SLC25A36: variants seen among roughly 807,000 people sequenced by gnomAD.
The protein encoded by SLC25A36 is epididymis secretory sperm binding protein.
SLC25A36 carries 24 observed loss-of-function variants against 35.3 expected under a neutral mutation model. That is an observed-to-expected ratio of 0.68 (90% confidence interval 0.49 to 0.96). The LOEUF is 0.96. Among genes scored for constraint, SLC25A36 ranks in the 40% least tolerant of loss-of-function variants. The probability of loss-of-function intolerance (pLI) is 0.00; values close to 1 mark genes in which losing one functional copy is unlikely to be tolerated. For synonymous variants in SLC25A36, 141 were observed against 132.2 expected, an observed-to-expected ratio of 1.07 and a Z score of -0.46; for missense variants, 294 against 381.1, an observed-to-expected ratio of 0.77 and a Z score of 1.90.
chr3:140,971,501 A>G (rs1055250806), intron 5 of SLC25A36, among the ~76,000 whole-genome samples: 4 of 152,200 alleles, frequency 2.6e-5, no homozygotes, highest in Non-Finnish European at 4.4e-5. Flanking sequence ...CAACAAATCT[A>G]TATTAGCAGA....
intron 1 of SLC25A36, among the ~76,000 whole-genome samples, chr3:140,954,303 TG>T (rs1016530404): frequency 4.5e-4 from 69 of 152,264 alleles, no homozygotes; most frequent in Middle Eastern, 3.2e-3. Flanking sequence ...GATGGACATT[TG>T]GGTTGTTCCC....
intron 1 of SLC25A36, among the ~76,000 whole-genome samples, chr3:140,950,363 C>T (rs1444041704): frequency 6.7e-6 from 1 of 149,970 alleles, no homozygotes; most frequent in Non-Finnish European, 1.5e-5. Flanking sequence ...CTGTGTTCAT[C>T]TGTCAGTCTT....
chr3:140,980,394 A>G lies in SLC25A36; in HGVS notation c.*3941A>G, dbSNP rs1559820727. The stretch of plus-strand genomic sequence containing the variant: ...TTTTATTTAAGTTTTTCTGTATTGT[A>G]GTTAACATCAAACATTGTCCAGTCT... On this transcript the variant is annotated 3_prime_UTR_variant, in exon 7 of 7. Transcript: ENST00000324194. 7.6e-6 allele frequency among the ~76,000 whole-genome samples: 1 copy of G among 132,208 alleles called. No homozygotes were observed. The highest frequency in any genetic ancestry group is 1.6e-5 in the Non-Finnish European group (1 of 62,846). 86.7% of individuals were successfully genotyped at this position (132,208 alleles called of 152,430 possible). A position where few individuals can be genotyped will look rare whatever the true frequency, so the allele number is the denominator to read the frequency against.
At position 140,976,422 on chromosome 3, in the gene SLC25A36, A is replaced by G. The variant is rs1487583449; in HGVS notation, c.905A>G (p.Tyr302Cys). The change falls in exon 7 of 7, where the codon TAT (tyrosine) becomes TGT (cysteine). Residue 302 changes from tyrosine (Y) to cysteine (C), a missense_variant. Transcript: ENST00000324194. ...AACACAGCCATTATGATGGCCACCT[A>G]TGAATTGGTGGTTTACCTACTCAAT... ...IPNTAIMMAT[Y>C]ELVVYLLNG 6.2e-7 allele frequency: 1 copy of G among 1,613,206 alleles called. No individual in the cohort carries two copies. The highest frequency in any genetic ancestry group is 2.2e-5 in the East Asian group (1 of 44,856).
chr3:140,974,751 C>G (rs542322595), intron 6 of SLC25A36, among the ~76,000 whole-genome samples: 211 of 151,976 alleles, frequency 1.4e-3, no homozygotes, highest in Non-Finnish European at 2.4e-3. Flanking sequence ...TTTTTGTTCA[C>G]TTACACTGAT....
intron 2 of SLC25A36, among the ~76,000 whole-genome samples, chr3:140,957,969 A>G (rs1252200673): frequency 6.6e-6 from 1 of 152,076 alleles, no homozygotes; most frequent in East Asian, 1.9e-4. Flanking sequence ...GAAGTTTTTC[A>G]GGCGCTCTTT....
chr3:140,963,113 A>G lies in SLC25A36; in HGVS notation c.285-14A>G. On this transcript the variant is annotated splice_polypyrimidine_tract_variant and intron_variant, in intron 3 of 6. Coordinates refer to ENST00000324194, the MANE Select transcript of SLC25A36 (RefSeq NM_001104647.3). ...AAGAACATGCTTATTGATAAATCTAAATCTCTATTTTAGAGCAATATACTT... is the reference window on the plus strand; with the variant it reads ...AAGAACATGCTTATTGATAAATCTAGATCTCTATTTTAGAGCAATATACTT... The G allele has an allele frequency of 6.7e-7, 1 of 1,492,046 alleles. No individual in the cohort carries two copies. The highest frequency in any genetic ancestry group is 9.0e-7 in the Non-Finnish European group (1 of 1,106,132). 92.4% of individuals were successfully genotyped at this position (1,492,046 alleles called of 1,614,324 possible). A position where few individuals can be genotyped will look rare whatever the true frequency, so the allele number is the denominator to read the frequency against.
chr3:140,976,354 T>C lies in SLC25A36; in HGVS notation c.837T>C (p.Ser279=). 1.2e-6 allele frequency: 2 copies of C among 1,613,946 alleles called. No homozygotes were observed. Among genetic ancestry groups the C allele is most frequent in the Non-Finnish European group, 1.7e-6 (2 of 1,179,918 alleles). ...TTGTTCAAGAAGAAGGTTATGGGTC[T>C]CTTTATCGTGGTCTGACAACTCATC... ...SLLVQEEGYG[S]LYRGLTTHLV... is the part of the protein sequence containing the mutation. The change falls in exon 7 of 7, where the codon TCT becomes TCC. Residue 279 remains serine, a synonymous_variant. Transcript: ENST00000324194.
intron 4 of SLC25A36, chr3:140,967,847 A>G (rs984352214): frequency 3.3e-6 from 1 of 298,864 alleles, no homozygotes; most frequent in African/African-American, 2.3e-5. Flanking sequence ...GAGCAATATT[A>G]GTTCTTCTTA....
intron 1 of SLC25A36, among the ~76,000 whole-genome samples, chr3:140,946,759 G>A (rs1934177636): frequency 6.6e-6 from 1 of 152,104 alleles, no homozygotes; most frequent in Non-Finnish European, 1.5e-5. Flanking sequence ...TGGGGTGAGG[G>A]GAGATCAGAA....
In SLC25A36 at chr3:140,976,680, A is replaced by G. The variant is rs1353694639; in HGVS notation, c.*227A>G. ...AGAGCCTCCAAGGAAATGCCTTTAGAAGCACTCCTCTCTCAAAATTGCCAT... is the reference window on the plus strand; with the variant it reads ...AGAGCCTCCAAGGAAATGCCTTTAGGAGCACTCCTCTCTCAAAATTGCCAT... On this transcript the variant is annotated 3_prime_UTR_variant, in exon 7 of 7. Transcript: ENST00000324194. The G allele has an allele frequency of 8.6e-6, 3 of 349,362 alleles. No individual in the cohort carries two copies. The highest frequency in any genetic ancestry group is 2.1e-5 in the African/African-American group (1 of 47,198). 21.6% of individuals were successfully genotyped at this position (349,362 alleles called of 1,614,324 possible). A position where few individuals can be genotyped will look rare whatever the true frequency, so the allele number is the denominator to read the frequency against.
intron 4 of SLC25A36, chr3:140,967,968 C>G: frequency 4.1e-6 from 4 of 984,562 alleles, no homozygotes; most frequent in Non-Finnish European, 3.6e-6. Flanking sequence ...AATTAAAATG[C>G]AAAATAAAAA....
intron 6 of SLC25A36, among the ~76,000 whole-genome samples, chr3:140,975,880 T>C (rs188868242): frequency 2.0e-5 from 3 of 152,320 alleles, no homozygotes; most frequent in Admixed American, 2.0e-4. Flanking sequence ...TAAACAAATC[T>C]TTTCTGCTTG....
chr3:140,954,116 T>C (rs971682935), intron 1 of SLC25A36, among the ~76,000 whole-genome samples: 4 of 152,240 alleles, frequency 2.6e-5, no homozygotes, highest in Non-Finnish European at 4.4e-5. Flanking sequence ...TTTTCTAGAA[T>C]ATCATAAAAG....
rs574425003 is a variant in SLC25A36 at position 140,967,321 on chromosome 3, T to C, written c.386-3606T>C. ...TATATAGCTGTAAATGGTATTATAC[T>C]ATCTTAAAAGTTTTAGATAAAATCA... On this transcript the variant is annotated intron_variant, in intron 4 of 6. Transcript: ENST00000324194. 2.8e-4 allele frequency among the ~76,000 whole-genome samples: 43 copies of C among 152,036 alleles called. No homozygotes were observed. The South Asian group carries it at 4.1e-3, about 15-fold the overall frequency.
Position 140,976,601 on chromosome 3 carries a change from T to C in SLC25A36, c.*148T>C. 11 of 507,574 alleles carry C rather than the reference T, an allele frequency of 2.2e-5. No homozygotes were observed. Among genetic ancestry groups the C allele is most frequent in the Non-Finnish European group, 3.5e-5 (11 of 315,196 alleles). 31.4% of individuals were successfully genotyped at this position (507,574 alleles called of 1,614,324 possible). The stretch of plus-strand genomic sequence containing the variant: ...GGAAGTTTTGTTGTAGGAATTATAG[T>C]AATCACACCACATTACTTGGCCTTT... On this transcript the variant is annotated 3_prime_UTR_variant, in exon 7 of 7. Coordinates refer to ENST00000324194, the MANE Select transcript of SLC25A36 (RefSeq NM_001104647.3).
At position 140,978,923 on chromosome 3, in the gene SLC25A36, C is replaced by T. The variant is rs757771678; in HGVS notation, c.*2470C>T. 1.3e-5 allele frequency: 2 copies of T among 152,092 alleles called. No individual in the cohort carries two copies. Among genetic ancestry groups the T allele is most frequent in the African/African-American group, 2.4e-5 (1 of 41,436 alleles). The allele number at this position is 152,092 out of a possible 1,614,324, so 9.4% of individuals were successfully genotyped here. A position where few individuals can be genotyped will look rare whatever the true frequency, so the allele number is the denominator to read the frequency against. Reference sequence around the variant, plus strand: ...TAAAAACAAAAACACATATTCAGAGCATTGGACTTTTTTAACTTGTTTTCA... The same window carrying T: ...TAAAAACAAAAACACATATTCAGAGTATTGGACTTTTTTAACTTGTTTTCA... On this transcript the variant is annotated 3_prime_UTR_variant, in exon 7 of 7. Transcript: ENST00000324194.
intron 1 of SLC25A36, among the ~76,000 whole-genome samples, chr3:140,946,305 A>G (rs16850917): frequency 0.075 from 11,374 of 152,214 alleles, 538 homozygotes; most frequent in East Asian, 0.17. Context: ...TAGCTATACA[A>G]AAGGAACTAG....
chr3:140,970,255 A>G (rs1182452769), intron 4 of SLC25A36: 1 of 151,958 alleles, frequency 6.6e-6, no homozygotes, highest in Non-Finnish European at 1.5e-5. Flanking sequence ...ATGTCTATAA[A>G]AGAGGGAACT....
Sources: gnomAD v4.1 joint callset for allele counts (sites outside exome capture counted in the v4.1 genomes callset) on GRCh38, gnomAD v4.1.1 for gene constraint, MANE v1.5 for transcripts, NCBI Gene and HGNC (gene_info 2026-07-23, HGNC 2026-07-21) for gene names.